XXYLT1: variants seen among roughly 807,000 people sequenced by gnomAD.
XXYLT1 encodes the protein UDP-xylose:alpha-xyloside alpha-1,3-xylosyltransferase.
In XXYLT1, 20 loss-of-function variants were observed where a neutral mutation model predicts 28.9. The ratio of observed to expected loss-of-function variants is 0.69; its 90% CI spans 0.49 to 1.00. XXYLT1 has a LOEUF of 1.00. Ranked by LOEUF, XXYLT1 falls within the 50% of genes least tolerant of loss-of-function variation. The pLI is 0.00. For missense variants in XXYLT1, 542 were observed against 560.1 expected, an observed-to-expected ratio of 0.97 and a Z score of 0.33; for synonymous variants, 257 against 253.8, an observed-to-expected ratio of 1.01 and a Z score of -0.12.
rs1282048497 is a variant in XXYLT1, at chr3:195,257,211, T to C, written c.504+13344A>G. ...CCAGCCATCCCACCCCGGCCTTCCA[T>C]GGCTGCACTCACACCCCACTGCCCA... On this transcript the variant is annotated intron_variant, in intron 1 of 3. Coordinates refer to ENST00000310380, the MANE Select transcript of XXYLT1 (RefSeq NM_152531.5). This position sits in a 1 kb window ranked among gnomAD's most constrained non-coding sequence, Gnocchi z 4.3. Among the ~76,000 whole-genome samples, 1 of 152,136 alleles carries C rather than the reference T, an allele frequency of 6.6e-6. No homozygotes were observed. The highest frequency in any genetic ancestry group is 1.5e-5 in the Non-Finnish European group (1 of 68,014).
chr3:195,171,146 C>T (rs1208063744), intron 2 of XXYLT1, among the ~76,000 whole-genome samples: 1 of 152,220 alleles, frequency 6.6e-6, no homozygotes, highest in East Asian at 1.9e-4. Flanking sequence ...TCTGAGTTAA[C>T]AGCCAGCAAA....
chr3:195,204,979 G>A (rs913936125), intron 2 of XXYLT1, among the ~76,000 whole-genome samples: 4 of 152,198 alleles, frequency 2.6e-5, no homozygotes, highest in South Asian at 2.1e-4. Flanking sequence ...CCCCAGTTGC[G>A]AAGTCAGAAA....
intron 3 of XXYLT1, among the ~76,000 whole-genome samples, chr3:195,122,465 C>A (rs1262145696): frequency 1.3e-5 from 2 of 152,136 alleles, no homozygotes; most frequent in African/African-American, 4.8e-5. Flanking sequence ...CTTGGTAGTA[C>A]TGTAGTAGTA....
chr3:195,218,635 G>C (rs980979400), intron 2 of XXYLT1, among the ~76,000 whole-genome samples: 49 of 152,286 alleles, frequency 3.2e-4, no homozygotes, highest in African/African-American at 1.0e-3. Context: ...ACACCGGTTC[G>C]AATGGCAATC....
chr3:195,184,541 C>T (rs918152399), intron 2 of XXYLT1: 102 of 880,140 alleles, frequency 1.2e-4, no homozygotes, highest in Middle Eastern at 5.8e-4. Context: ...TAATAAATGG[C>T]CTCCTAATTC....
intron 2 of XXYLT1, among the ~76,000 whole-genome samples, chr3:195,172,796 G>A (rs1721475184): frequency 6.6e-6 from 1 of 152,194 alleles, no homozygotes; most frequent in African/African-American, 2.4e-5. Context: ...CTTGAACTGT[G>A]GGGAAACAGA....
At chr3:195,144,685 C>T (rs1014266883) in intron 3 of XXYLT1, among the ~76,000 whole-genome samples, 9 of 152,142 alleles carry the variant, frequency 5.9e-5, no homozygotes, top group African/African-American at 1.9e-4. Context: ...CAAACAGTTC[C>T]TCCTTTCTGT....
chr3:195,101,349 G>C (rs1043702897), intron 3 of XXYLT1, among the ~76,000 whole-genome samples: 2 of 152,248 alleles, frequency 1.3e-5, no homozygotes, highest in Non-Finnish European at 2.9e-5. Context: ...GGAAAAAACA[G>C]AATCTCTCTG....
intron 3 of XXYLT1, among the ~76,000 whole-genome samples, chr3:195,142,908 A>G (rs552325927): frequency 8.0e-4 from 122 of 152,262 alleles, no homozygotes; most frequent in African/African-American, 2.8e-3. Flanking sequence ...CTCCCTGGCC[A>G]GGCCTTCAAC....
chr3:195,226,999 G>T, intron 1 of XXYLT1, 143 bp from the exon 2 acceptor site: 2 of 973,550 alleles, frequency 2.1e-6, no homozygotes, highest in Non-Finnish European at 3.0e-6. Flanking sequence ...GCTAGGGGTA[G>T]CAACGGAGAG....
intron 2 of XXYLT1, among the ~76,000 whole-genome samples, chr3:195,177,701 C>T (rs946828349): frequency 1.7e-4 from 26 of 151,890 alleles, no homozygotes; most frequent in African/African-American, 5.8e-4. Flanking sequence ...TGAGGGAGGA[C>T]GATCGCTGAG....
intron 1 of XXYLT1, among the ~76,000 whole-genome samples, chr3:195,262,260 G>A (rs1725719422): frequency 1.3e-5 from 2 of 152,220 alleles, no homozygotes; most frequent in African/African-American, 4.8e-5. Flanking sequence ...GAGCCCACTT[G>A]TAGTGAATAC....
intron 2 of XXYLT1, among the ~76,000 whole-genome samples, chr3:195,188,292 G>A (rs1325090827): frequency 1.3e-5 from 2 of 152,138 alleles, no homozygotes; most frequent in African/African-American, 4.8e-5. Flanking sequence ...GCTCAAACAC[G>A]GGACCAAATT....
At chr3:195,203,371 AATG>A (rs897259628) in intron 2 of XXYLT1, among the ~76,000 whole-genome samples, 23 of 152,182 alleles carry the variant, frequency 1.5e-4, no homozygotes, top group African/African-American at 5.5e-4. Context: ...AATATTCTAT[AATG>A]ATATATATTT....
chr3:195,231,980 T>C (rs1030994279), intron 1 of XXYLT1, among the ~76,000 whole-genome samples: 1 of 152,138 alleles, frequency 6.6e-6, no homozygotes, highest in Non-Finnish European at 1.5e-5. Context: ...ACTTCTTCTT[T>C]AAATGGTAGA....
At position 195,069,712 on chromosome 3, in the gene XXYLT1, C is replaced by G. The variant is rs570587345; in HGVS notation, c.*3G>C. 1 of 1,606,864 alleles carries G rather than the reference C, an allele frequency of 6.2e-7. No homozygotes were observed. ...GGCCCCGGGGGCAAGGCACGGGGAGCGCCTAGTCCTCCGGGATGGGAGTGT... is the reference window on the plus strand; with the variant it reads ...GGCCCCGGGGGCAAGGCACGGGGAGGGCCTAGTCCTCCGGGATGGGAGTGT... On this transcript the variant is annotated 3_prime_UTR_variant, in exon 4 of 4. Transcript: ENST00000310380.
chr3:195,134,850 T>C (rs557511760), intron 3 of XXYLT1, among the ~76,000 whole-genome samples: 1 of 128,858 alleles, frequency 7.8e-6, no homozygotes, highest in South Asian at 2.9e-4. Flanking sequence ...TGTGTGTGTG[T>C]GTGTGTGTGT....
chr3:195,128,588 G>C (rs1206756243), intron 3 of XXYLT1, among the ~76,000 whole-genome samples: 1 of 152,128 alleles, frequency 6.6e-6, no homozygotes, highest in Non-Finnish European at 1.5e-5. Context: ...AACTCTCATA[G>C]CTCCCTAAAC....
At chr3:195,191,081 C>T (rs576436629) in intron 2 of XXYLT1, among the ~76,000 whole-genome samples, 16 of 152,304 alleles carry the variant, frequency 1.1e-4, no homozygotes, top group South Asian at 4.1e-4. Flanking sequence ...TCTCAACACT[C>T]TTAAAGAAAG....
Sources: gnomAD v4.1 joint callset for allele counts (sites outside exome capture counted in the v4.1 genomes callset) on GRCh38, gnomAD v4.1.1 for gene constraint, Gnocchi (gnomAD v3.1) non-coding constraint, MANE v1.5 for transcripts, NCBI Gene and HGNC (gene_info 2026-07-23, HGNC 2026-07-21) for gene names.